The following PKD1L1 variants were observed in gnomAD, a reference collection of about 807,000 sequenced individuals.
The protein encoded by PKD1L1 is polycystin 1 like 1, transient receptor potential channel interacting, also known as polycystin-1-like protein 1.
PKD1L1 carries 236 observed loss-of-function variants against 323.4 expected under a neutral mutation model. The observed-to-expected ratio is 0.73, with a 90% confidence interval of 0.66 to 0.81. The LOEUF (loss-of-function observed/expected upper bound fraction) is 0.81. Among genes scored for constraint, PKD1L1 ranks in the 40% least tolerant of loss-of-function variants. The pLI, the probability that PKD1L1 is intolerant of heterozygous loss-of-function variation, is 0.00. For missense variants in PKD1L1, 3,320 were observed against 3,508.0 expected (o/e 0.95, Z 1.35); for synonymous variants, 1,344 against 1,335.0 (o/e 1.01, Z -0.15).
intron 53 of PKD1L1, among the ~76,000 whole-genome samples, chr7:47,801,509 G>A (rs1249862586): frequency 6.6e-6 from 1 of 152,144 alleles, no homozygotes; most frequent in Non-Finnish European, 1.5e-5. Context: ...ACCATCAGGC[G>A]GTCGTCCCAT....
intron 12 of PKD1L1, among the ~76,000 whole-genome samples, chr7:47,902,890 T>A (rs753740458): frequency 2.6e-4 from 39 of 152,234 alleles, no homozygotes; most frequent in Middle Eastern, 3.2e-3. Context: ...GTGTGATGGG[T>A]ACCCCAACCC....
chr7:47,870,476 T>C (rs897405198), intron 24 of PKD1L1, among the ~76,000 whole-genome samples: 2 of 151,878 alleles, frequency 1.3e-5, no homozygotes, highest in Admixed American at 6.6e-5. Context: ...GAGAACACCA[T>C]ACAAAACTGT....
chr7:47,875,964 C>A, intron 23 of PKD1L1, 133 bp downstream of exon 23: 2 of 907,426 alleles, frequency 2.2e-6, no homozygotes, highest in East Asian at 2.8e-5. Flanking sequence ...GATAATAAAC[C>A]TAAACTGAAA....
intron 31 of PKD1L1, 146 bp downstream of exon 31, chr7:47,852,981 G>A: frequency 1.6e-6 from 1 of 644,288 alleles, no homozygotes; most frequent in Admixed American, 2.7e-5. Context: ...GATCTATAGT[G>A]GAGCAGTTTG....
chr7:47,777,771 C>A (rs1202756935), intron 56 of PKD1L1, among the ~76,000 whole-genome samples: 2 of 152,200 alleles, frequency 1.3e-5, no homozygotes, highest in African/African-American at 2.4e-5. Flanking sequence ...GCACAGTTCT[C>A]ATCCTAGAAA....
chr7:47,923,654 T>A (rs918132952), intron 7 of PKD1L1, among the ~76,000 whole-genome samples: 71 of 138,430 alleles, frequency 5.1e-4, no homozygotes, highest in African/African-American at 2.4e-3. Context: ...CTGGCAAAAA[T>A]AAATAAATAA....
chr7:47,882,199 CCTAT>C (rs753034791), intron 19 of PKD1L1, 114 bp from the exon 20 acceptor site: 7 of 1,089,284 alleles, frequency 6.4e-6, no homozygotes, highest in Non-Finnish European at 9.4e-6. Flanking sequence ...CTGGATACCG[CCTAT>C]CTAATATAAT....
chr7:47,914,364 C>A (rs139284759), intron 8 of PKD1L1, among the ~76,000 whole-genome samples: 32 of 152,134 alleles, frequency 2.1e-4, no homozygotes, highest in Non-Finnish European at 8.8e-5. Flanking sequence ...ATGATTCACA[C>A]AGCAAAGCCA....
intron 46 of PKD1L1, among the ~76,000 whole-genome samples, chr7:47,815,899 A>G (rs13241400): frequency 0.15 from 22,699 of 151,734 alleles, 2,037 homozygotes; most frequent in African/African-American, 0.24. Flanking sequence ...GGGTAAGCAG[A>G]TGTTCAAGCA....
rs1479900267 is a variant in PKD1L1 at position 47,887,975 on chromosome 7, A to T, written c.2836+15T>A. 1.3e-6 allele frequency: 2 copies of T among 1,596,442 alleles called. No individual in the cohort carries two copies. Among genetic ancestry groups the T allele is most frequent in the South Asian group, 2.3e-5 (2 of 88,810 alleles). ...TTCCCTCAGAAAACAAAATAAAGCT[A>T]TTAATCCTTTTTACCTTCTATCCTA... On this transcript the variant is annotated intron_variant, in intron 17 of 56. Coordinates refer to ENST00000289672, the MANE Select transcript of PKD1L1 (RefSeq NM_138295.5).
rs140918652 is a variant in PKD1L1, at chr7:47,908,889, T to C, written c.1229-639A>G. Among the ~76,000 whole-genome samples, 400 of 152,302 alleles carry C rather than the reference T, an allele frequency of 2.6e-3. 5 individuals carry two copies. Among genetic ancestry groups the C allele is most frequent in the African/African-American group, 9.1e-3 (377 of 41,564 alleles). ...ACCTCTGTCATTGTCATTGGGACCA[T>C]GTCATTTCCATGTGAATAGCCTGGC... On this transcript the variant is annotated intron_variant, in intron 8 of 56. Transcript: ENST00000289672.
intron 19 of PKD1L1, among the ~76,000 whole-genome samples, chr7:47,884,186 GC>G (rs201604945): frequency 0.045 from 6,786 of 151,606 alleles, 380 homozygotes; most frequent in African/African-American, 0.14. Flanking sequence ...TGGGGGGAAG[GC>G]GGGGGGAGTG....
intron 26 of PKD1L1, among the ~76,000 whole-genome samples, chr7:47,863,620 A>T (rs763406725): frequency 4.6e-5 from 7 of 152,146 alleles, no homozygotes; most frequent in Non-Finnish European, 1.0e-4. Flanking sequence ...CAGGGAGAGA[A>T]TGGGGAGCAG....
chr7:47,901,633 A>C (rs1261246767), intron 13 of PKD1L1, among the ~76,000 whole-genome samples: 1 of 152,186 alleles, frequency 6.6e-6, no homozygotes, highest in Non-Finnish European at 1.5e-5. Context: ...GCTGGTCTAA[A>C]GGTGGGCAGG....
intron 7 of PKD1L1, among the ~76,000 whole-genome samples, chr7:47,923,224 A>G (rs1210350153): frequency 2.6e-5 from 4 of 152,044 alleles, no homozygotes; most frequent in African/African-American, 9.7e-5. Context: ...TGCCTAGGAA[A>G]ACCAGAGACC....
upstream of PKD1L1, chr7:47,948,518 G>A: frequency 7.1e-7 from 1 of 1,413,324 alleles, no homozygotes; most frequent in Non-Finnish European, 1.0e-6. Flanking sequence ...CAAAGAAATA[G>A]AGCTTAATGC....
chr7:47,829,218 C>G (rs1785292677), intron 44 of PKD1L1, among the ~76,000 whole-genome samples: 1 of 151,916 alleles, frequency 6.6e-6, no homozygotes, highest in Non-Finnish European at 1.5e-5. Context: ...GCTCTAACTT[C>G]TTTAGGATTG....
chr7:47,930,021 G>A (rs138966676), intron 6 of PKD1L1, among the ~76,000 whole-genome samples: 3 of 152,328 alleles, frequency 2.0e-5, no homozygotes, highest in African/African-American at 7.2e-5. Flanking sequence ...GTTGGAAATA[G>A]TCTAGGATAC....
Position 47,865,228 on chromosome 7 carries a change from G to T in PKD1L1, c.4137C>A (p.Ser1379Arg). ...GSVLMLRDLV[S>R]FSNKLGFMSA... is the part of the protein sequence containing the mutation. ...AAATTGCACTTACCTTATTAGAGAAGCTCACGAGGTCCCTCAACATAAGAA... is the reference window on the plus strand; with the variant it reads ...AAATTGCACTTACCTTATTAGAGAATCTCACGAGGTCCCTCAACATAAGAA... Residue 1379 changes from serine (S) to arginine (R), a missense_variant, in exon 26 of 57, where the codon AGC becomes AGA. Coordinates refer to ENST00000289672, the MANE Select transcript of PKD1L1 (RefSeq NM_138295.5). 6.2e-7 allele frequency: 1 copy of T among 1,613,066 alleles called. No homozygotes were observed.
Sources: allele counts gnomAD v4.1 joint callset (sites outside exome capture counted in the v4.1 genomes callset), GRCh38; gene constraint gnomAD v4.1.1; transcripts MANE v1.5; gene names NCBI Gene and HGNC (gene_info 2026-07-23, HGNC 2026-07-21).